The following TMEM116 variants were observed in gnomAD, a reference collection of about 807,000 sequenced individuals.
TMEM116 encodes the protein transmembrane protein 116.
TMEM116 carries 38 observed loss-of-function variants against 44.3 expected under a neutral mutation model. The observed-to-expected ratio is 0.86, with a 90% CI of 0.66 to 1.12. The LOEUF (loss-of-function observed/expected upper bound fraction) is 1.12. TMEM116 is among the 50% of genes most tolerant of loss of function. The pLI, the probability that TMEM116 is intolerant of heterozygous loss-of-function variation, is 0.00. For synonymous variants in TMEM116, 132 were observed against 144.8 expected (o/e 0.91, Z 0.64); for missense variants, 354 against 401.7 (o/e 0.88, Z 1.01).
rs1002825505 is a variant in TMEM116, at chr12:112,005,354, T to C, written c.-33-51A>G. The C allele has an allele frequency of 4.8e-5, 58 of 1,199,380 alleles. No homozygotes were observed. The African/African-American group carries it at 9.2e-4, about 19-fold the overall frequency. 74.3% of individuals were successfully genotyped at this position (1,199,380 alleles called of 1,614,324 possible). ...AAAATTAAACCTTTTACATTGAATA[T>C]TCAACCTAAGTTCATTATTAACTAT... On this transcript the variant is annotated intron_variant, in intron 1 of 10. Coordinates refer to ENST00000552374, the MANE Select transcript of TMEM116 (RefSeq NM_001193531.2).
At chr12:112,005,947 A>G in intron 1 of TMEM116, 4 of 985,876 alleles carry the variant, frequency 4.1e-6, no homozygotes, top group Non-Finnish European at 4.8e-6. Context: ...TTCTGACCTT[A>G]CCAAGTCCCA....
chr12:111,970,416 G>A (rs2075266635), intron 4 of TMEM116, among the ~76,000 whole-genome samples: 1 of 152,124 alleles, frequency 6.6e-6, no homozygotes, highest in African/African-American at 2.4e-5. Context: ...CCTGAAAGCA[G>A]TTTAGGTGGT....
chr12:111,960,533 C>T (rs1374421969), intron 4 of TMEM116, among the ~76,000 whole-genome samples: 2 of 144,542 alleles, frequency 1.4e-5, no homozygotes, highest in Admixed American at 6.9e-5. Flanking sequence ...CTCACTCAAA[C>T]CACACAACTA....
intron 4 of TMEM116, among the ~76,000 whole-genome samples, chr12:111,984,445 A>G (rs577380813): frequency 6.6e-6 from 1 of 152,264 alleles, no homozygotes; most frequent in Admixed American, 6.5e-5. Flanking sequence ...AGTAGGAAGG[A>G]GGTGGAGATG....
chr12:111,934,340 A>G (rs1004192232), intron 8 of TMEM116: 5 of 266,116 alleles, frequency 1.9e-5, no homozygotes, highest in Non-Finnish European at 3.6e-5. Flanking sequence ...CCAGGAAGTT[A>G]AAAGTAAGCT....
intron 1 of TMEM116, among the ~76,000 whole-genome samples, chr12:112,009,379 CTAAAT>C (rs1282347336): frequency 6.6e-6 from 1 of 151,904 alleles, no homozygotes; most frequent in Non-Finnish European, 1.5e-5. Context: ...CTGGTAATAA[CTAAAT>C]TAAAGGCAAA....
At chr12:111,933,620 C>G (rs528699816) in intron 9 of TMEM116, among the ~76,000 whole-genome samples, 1 of 151,336 alleles carries the variant, frequency 6.6e-6, no homozygotes, top group Non-Finnish European at 1.5e-5. Flanking sequence ...TCCCAAGTAG[C>G]TGGGACTATA....
intron 4 of TMEM116, among the ~76,000 whole-genome samples, chr12:111,975,662 T>G (rs1374542693): frequency 6.6e-6 from 1 of 152,116 alleles, no homozygotes; most frequent in Non-Finnish European, 1.5e-5. Context: ...CCTATCCTTA[T>G]AGCAAGAAAA....
intron 2 of TMEM116, among the ~76,000 whole-genome samples, chr12:112,004,527 T>C (rs762875293): frequency 3.8e-4 from 58 of 152,176 alleles, no homozygotes; most frequent in Non-Finnish European, 7.3e-4. Flanking sequence ...GCTCAGGCCA[T>C]CCTCCTGCCT....
intron 7 of TMEM116, 56 bp downstream of exon 7, chr12:111,937,104 A>T (rs1039030847): frequency 1.4e-6 from 2 of 1,464,532 alleles, no homozygotes; most frequent in African/African-American, 1.4e-5. Context: ...AGCTCTATTT[A>T]TAGAAACAAA....
chr12:112,005,181 G>C (rs757503839), intron 2 of TMEM116, 76 bp downstream of exon 2: 2 of 1,005,800 alleles, frequency 2.0e-6, no homozygotes, highest in Non-Finnish European at 2.7e-6. Flanking sequence ...AATCCCCAAG[G>C]GGGAAATGTG....
At chr12:111,971,392 A>G (rs1038189428) in intron 4 of TMEM116, among the ~76,000 whole-genome samples, 2 of 152,202 alleles carry the variant, frequency 1.3e-5, no homozygotes, top group Admixed American at 1.3e-4. Flanking sequence ...ATGAAAGTAC[A>G]CTATTGTAAG....
intron 6 of TMEM116, among the ~76,000 whole-genome samples, chr12:111,937,483 A>G (rs1039227721): frequency 6.6e-6 from 1 of 152,226 alleles, no homozygotes; most frequent in African/African-American, 2.4e-5. Context: ...ACGCTACCAT[A>G]GTTTCACAGA....
At chr12:111,957,641 C>T (rs2074246330) in intron 4 of TMEM116, among the ~76,000 whole-genome samples, 1 of 151,162 alleles carries the variant, frequency 6.6e-6, no homozygotes, top group African/African-American at 2.4e-5. Flanking sequence ...TGCCCGGCTG[C>T]CCCGTCTGGG....
intron 5 of TMEM116, among the ~76,000 whole-genome samples, chr12:111,938,612 C>CT (rs1414942693): frequency 2.0e-5 from 3 of 152,272 alleles, no homozygotes; most frequent in Admixed American, 2.0e-4. Flanking sequence ...CTTCTTCAGA[C>CT]TTTATGAGTG....
intron 4 of TMEM116, among the ~76,000 whole-genome samples, chr12:111,953,722 T>A (rs1001394469): frequency 3.9e-5 from 6 of 152,224 alleles, no homozygotes; most frequent in African/African-American, 1.4e-4. Flanking sequence ...AATCCTTGTT[T>A]TCCTTTACCT....
intron 1 of TMEM116, among the ~76,000 whole-genome samples, chr12:112,008,222 C>A (rs2077678573): frequency 6.6e-6 from 1 of 152,168 alleles, no homozygotes; most frequent in South Asian, 2.1e-4. Context: ...GTGGCTCACA[C>A]CTGTAATCCC....
At chr12:111,990,026 C>A (rs925066473) in intron 4 of TMEM116, among the ~76,000 whole-genome samples, 1 of 152,072 alleles carries the variant, frequency 6.6e-6, no homozygotes, top group Admixed American at 6.6e-5. Context: ...GAGGCCAAGA[C>A]GGGCAGATCA....
At chr12:111,981,330 G>C (rs2136531111) in intron 4 of TMEM116, among the ~76,000 whole-genome samples, 1 of 152,194 alleles carries the variant, frequency 6.6e-6, no homozygotes, top group South Asian at 2.1e-4. Flanking sequence ...GGTAAATTTT[G>C]GTAAGAGAGT....
Sources: gnomAD v4.1 joint callset for allele counts (sites outside exome capture counted in the v4.1 genomes callset) on GRCh38, gnomAD v4.1.1 for gene constraint, MANE v1.5 for transcripts, NCBI Gene and HGNC (gene_info 2026-07-23, HGNC 2026-07-21) for gene names.